The following FHIT variants were observed in gnomAD, a reference collection of about 807,000 sequenced individuals.
FHIT encodes the protein fragile histidine triad diadenosine triphosphatase, also known as bis(5'-adenosyl)-triphosphatase.
Under a neutral mutation model 17.9 loss-of-function variants are expected in FHIT, and 19 were observed. The observed-to-expected ratio is 1.06, with a 90% confidence interval of 0.74 to 1.56. FHIT has a LOEUF of 1.56. FHIT is among the 40% of genes most tolerant of loss of function. The pLI is 0.00. For synonymous variants in FHIT, 81 were observed against 69.7 expected (o/e 1.16, Z -0.81); for missense variants, 248 against 189.2 (o/e 1.31, Z -1.82).
intron 5 of FHIT, among the ~76,000 whole-genome samples, chr3:60,066,817 C>T (rs774423725): frequency 6.6e-6 from 1 of 151,740 alleles, no homozygotes; most frequent in African/African-American, 2.4e-5. Context: ...CCACCATGCC[C>T]GGCTAATTTT....
At chr3:60,826,275 G>A (rs1553740983) in intron 3 of FHIT, among the ~76,000 whole-genome samples, 1 of 151,910 alleles carries the variant, frequency 6.6e-6, no homozygotes, top group Non-Finnish European at 1.5e-5. Flanking sequence ...ATCATAGATG[G>A]GGATAGATGA....
chr3:60,486,598 G>C lies in FHIT; in HGVS notation c.103+50262C>G, dbSNP rs532933877. 2.0e-5 allele frequency among the ~76,000 whole-genome samples: 3 copies of C among 152,222 alleles called. 1 individual carries two copies. In the South Asian group the frequency reaches 6.2e-4, roughly 32 times the overall value. ...AGCTAAAGATCTATAGGTCAGAGAA[G>C]GGCAGGCTCTGATGTCTCCTCCATT... is the stretch of plus-strand genomic sequence containing the variant. On this transcript the variant is annotated intron_variant, in intron 5 of 9. Coordinates refer to ENST00000492590, the MANE Select transcript of FHIT (RefSeq NM_002012.4).
At chr3:60,445,668 C>G (rs1460805342) in intron 5 of FHIT, among the ~76,000 whole-genome samples, 2 of 151,966 alleles carry the variant, frequency 1.3e-5, no homozygotes, top group East Asian at 3.9e-4. Flanking sequence ...TTTACTTAAG[C>G]CTGTCTGAAC....
chr3:59,852,885 C>G (rs1701999056), intron 8 of FHIT, among the ~76,000 whole-genome samples: 1 of 152,068 alleles, frequency 6.6e-6, no homozygotes, highest in Non-Finnish European at 1.5e-5. Context: ...GAATCAGAAA[C>G]CCTTGTTGGG....
chr3:59,843,666 C>G (rs1701612007), intron 8 of FHIT, among the ~76,000 whole-genome samples: 1 of 151,976 alleles, frequency 6.6e-6, no homozygotes, highest in Non-Finnish European at 1.5e-5. Flanking sequence ...TTTTAATTCT[C>G]AATTTTCTTT....
At chr3:60,883,167 C>T (rs868964006) in intron 3 of FHIT, among the ~76,000 whole-genome samples, 9 of 151,870 alleles carry the variant, frequency 5.9e-5, no homozygotes, top group African/African-American at 2.2e-4. Context: ...ACCAAGGAAG[C>T]AAAAGATCTC....
At chr3:60,726,780 G>A (rs1254898928) in intron 4 of FHIT, among the ~76,000 whole-genome samples, 2 of 152,154 alleles carry the variant, frequency 1.3e-5, no homozygotes, top group Non-Finnish European at 2.9e-5. Context: ...TTATATAAGA[G>A]GAAAAGGATG....
intron 5 of FHIT, among the ~76,000 whole-genome samples, chr3:60,453,553 A>G (rs1230540414): frequency 1.3e-5 from 2 of 152,192 alleles, no homozygotes; most frequent in African/African-American, 4.8e-5. Context: ...GTTGTAAAAC[A>G]TAAAGGCAGC....
rs566725406 is a variant in FHIT, at chr3:60,593,989, G to A, written c.-17-57010C>T. Among the ~76,000 whole-genome samples, 157 of 152,204 alleles carry A rather than the reference G, an allele frequency of 1.0e-3. 1 individual carries two copies. The highest frequency in any genetic ancestry group is 3.7e-3 in the African/African-American group (153 of 41,530). On this transcript the variant is annotated intron_variant, in intron 4 of 9. Transcript: ENST00000492590. The stretch of plus-strand genomic sequence containing the variant: ...TCCCAATGCTCTATCGACTTCTCAT[G>A]GTATATGAAAGTAATTAGGCTTCTC...
intron 3 of FHIT, among the ~76,000 whole-genome samples, chr3:60,962,401 T>C (rs1402644946): frequency 6.6e-6 from 1 of 152,230 alleles, no homozygotes; most frequent in East Asian, 1.9e-4. Context: ...CTTCCTCTTT[T>C]CCTAATTCAA....
At chr3:60,262,841 T>C (rs532029800) in intron 5 of FHIT, among the ~76,000 whole-genome samples, 2 of 149,506 alleles carry the variant, frequency 1.3e-5, no homozygotes, top group African/African-American at 4.9e-5. Flanking sequence ...ACATATAAAG[T>C]ACAAAGAAAA....
chr3:59,918,524 C>T (rs1055035787), intron 8 of FHIT, among the ~76,000 whole-genome samples: 5 of 151,004 alleles, frequency 3.3e-5, no homozygotes, highest in Admixed American at 2.0e-4. Flanking sequence ...AAAAAAAACT[C>T]ACCTGGGGCC....
intron 3 of FHIT, among the ~76,000 whole-genome samples, chr3:60,953,645 C>G (rs1708990511): frequency 1.3e-5 from 2 of 152,136 alleles, no homozygotes; most frequent in African/African-American, 2.4e-5. Context: ...AACATCCCTT[C>G]CCATCTCATA....
intron 4 of FHIT, among the ~76,000 whole-genome samples, chr3:60,579,355 G>C (rs1326050402): frequency 6.6e-6 from 1 of 152,030 alleles, no homozygotes; most frequent in Admixed American, 6.6e-5. Context: ...TATAGAAAAG[G>C]TACAGTAAAA....
At chr3:60,801,817 C>T (rs1383370138) in intron 4 of FHIT, among the ~76,000 whole-genome samples, 4 of 152,164 alleles carry the variant, frequency 2.6e-5, no homozygotes, top group African/African-American at 9.7e-5. Context: ...GCTCTATATA[C>T]ATACTGGTGA....
intron 7 of FHIT, among the ~76,000 whole-genome samples, chr3:59,929,363 GTT>G (rs869243844): frequency 0.084 from 5,546 of 66,288 alleles, 23 homozygotes; most frequent in Admixed American, 0.12. Context: ...TGTTTTTTTG[GTT>G]TTTTTTTTTT....
intron 7 of FHIT, among the ~76,000 whole-genome samples, chr3:59,991,801 C>G (rs1216396459): frequency 2.0e-5 from 3 of 152,036 alleles, no homozygotes; most frequent in African/African-American, 7.2e-5. Flanking sequence ...ACTACTGCCA[C>G]CTTTATACCT....
At chr3:60,889,280 C>T (rs1428844269) in intron 3 of FHIT, among the ~76,000 whole-genome samples, 1 of 152,192 alleles carries the variant, frequency 6.6e-6, no homozygotes, top group East Asian at 1.9e-4. Flanking sequence ...CAGCAGGGGC[C>T]ATGTGCCTCA....
chr3:60,543,995 T>C (rs1178097753), intron 4 of FHIT, among the ~76,000 whole-genome samples: 1 of 147,398 alleles, frequency 6.8e-6, no homozygotes, highest in East Asian at 2.0e-4. Flanking sequence ...CCTGACCTCA[T>C]GATCCACCCA....
Sources: allele counts gnomAD v4.1 joint callset (sites outside exome capture counted in the v4.1 genomes callset), GRCh38; gene constraint gnomAD v4.1.1; transcripts MANE v1.5; gene names NCBI Gene and HGNC (gene_info 2026-07-23, HGNC 2026-07-21).